The following PIK3R1 variants were observed in gnomAD, a reference collection of about 807,000 sequenced individuals.
The protein encoded by PIK3R1 is phosphoinositide-3-kinase regulatory subunit 1.
In PIK3R1, 29 loss-of-function variants were observed where a neutral mutation model predicts 98.0. The observed-to-expected ratio is 0.30, with a 90% confidence interval of 0.22 to 0.40. The LOEUF (loss-of-function observed/expected upper bound fraction) is 0.40, where lower values mean the gene tolerates loss of function less well. PIK3R1 is among the 10% of genes least tolerant of loss of function. The pLI is 1.00. For missense variants in PIK3R1, 596 were observed against 872.7 expected (o/e 0.68, Z 3.99); for synonymous variants, 282 against 311.8 (o/e 0.90, Z 1.01).
At chr5:68,280,121 T>C (rs1746763822) in intron 5 of PIK3R1, 3 of 305,212 alleles carry the variant, frequency 9.8e-6, no homozygotes, top group South Asian at 6.0e-5. Flanking sequence ...TGAGGGAAGA[T>C]GGCTCTCAGT....
In PIK3R1 at chr5:68,227,097, T is replaced by A. The variant is rs1744307506; in HGVS notation, c.334+88T>A. Reference sequence around the variant, plus strand: ...AAGTTTGGGTTGAGTCGTTATGTTCTGGGCAGAAGTTACCTTGGCAACTGC... The same window carrying A: ...AAGTTTGGGTTGAGTCGTTATGTTCAGGGCAGAAGTTACCTTGGCAACTGC... On this transcript the variant is annotated intron_variant, in intron 2 of 15. Coordinates refer to ENST00000521381, the MANE Select transcript of PIK3R1 (RefSeq NM_181523.3). The A allele has an allele frequency of 2.5e-6, 3 of 1,207,160 alleles. No homozygotes were observed. The Admixed American group carries it at 7.7e-5, about 31-fold the overall frequency. The allele number at this position is 1,207,160 out of a possible 1,614,324, so 74.8% of individuals were successfully genotyped here.
At chr5:68,287,203 G>GT (rs1179800954) in intron 7 of PIK3R1, among the ~76,000 whole-genome samples, 3 of 152,156 alleles carry the variant, frequency 2.0e-5, no homozygotes, top group Admixed American at 2.0e-4. Context: ...GAAATGTTTT[G>GT]TTTTAATTTA....
At chr5:68,228,937 T>C (rs1414269815) in intron 2 of PIK3R1, among the ~76,000 whole-genome samples, 1 of 152,114 alleles carries the variant, frequency 6.6e-6, no homozygotes, top group Non-Finnish European at 1.5e-5. Context: ...AATGCTTGCT[T>C]TCTCATGTAA....
At chr5:68,220,390 T>G (rs1429528877) in intron 1 of PIK3R1, among the ~76,000 whole-genome samples, 1 of 152,184 alleles carries the variant, frequency 6.6e-6, no homozygotes. Flanking sequence ...AGAACCGGAA[T>G]GGTCAGCCTC....
At chr5:68,258,525 T>C (rs1006619292) in intron 2 of PIK3R1, among the ~76,000 whole-genome samples, 1 of 152,236 alleles carries the variant, frequency 6.6e-6, no homozygotes, top group African/African-American at 2.4e-5. Flanking sequence ...CCACTAACTT[T>C]GTAAATGAAA....
intron 7 of PIK3R1, among the ~76,000 whole-genome samples, chr5:68,281,828 T>A: frequency 6.6e-6 from 1 of 152,176 alleles, no homozygotes; most frequent in East Asian, 1.9e-4. Context: ...TATCTCTGTA[T>A]GAGCAGGCAT....
chr5:68,281,224 GT>G (rs1746821459), intron 7 of PIK3R1, among the ~76,000 whole-genome samples: 2 of 152,118 alleles, frequency 1.3e-5, no homozygotes, highest in South Asian at 4.1e-4. Flanking sequence ...AATTATCTTG[GT>G]TTTAGGTGAG....
intron 2 of PIK3R1, among the ~76,000 whole-genome samples, chr5:68,257,005 T>G (rs1301572899): frequency 6.6e-6 from 1 of 152,100 alleles, no homozygotes; most frequent in Non-Finnish European, 1.5e-5. Flanking sequence ...TTATGGGGCC[T>G]CCTCAGCCAT....
chr5:68,260,900 T>C (rs2112105026), intron 2 of PIK3R1, among the ~76,000 whole-genome samples: 1 of 152,326 alleles, frequency 6.6e-6, no homozygotes, highest in South Asian at 2.1e-4. Context: ...ACAGAAATGT[T>C]TTCATCATTT....
chr5:68,226,010 G>A (rs1479599631), intron 1 of PIK3R1, among the ~76,000 whole-genome samples: 2 of 152,070 alleles, frequency 1.3e-5, no homozygotes, highest in African/African-American at 4.8e-5. Flanking sequence ...ACATGTACTA[G>A]TGTTGTGGCT....
chr5:68,280,753 T>C (rs1245221320), intron 6 of PIK3R1, 24 bp downstream of exon 6: 11 of 1,600,662 alleles, frequency 6.9e-6, no homozygotes, highest in Non-Finnish European at 9.4e-6. Flanking sequence ...GACAAACATG[T>C]ATTTTGGGGT....
chr5:68,288,694 T>A, intron 7 of PIK3R1: 2 of 1,612,576 alleles, frequency 1.2e-6, no homozygotes, highest in Non-Finnish European at 1.7e-6. Flanking sequence ...ATTTTTTTTT[T>A]TTCATTGTCG....
rs147774706 is a variant in PIK3R1, at chr5:68,276,951, G to A, written c.503-2651G>A. On this transcript the variant is annotated intron_variant, in intron 4 of 15. Transcript: ENST00000521381. ...GCCCTTGACGTACCTCGGTCTAGTAGGGAAACACATAATCCCACACTATGA... is the reference window on the plus strand; with the variant it reads ...GCCCTTGACGTACCTCGGTCTAGTAAGGAAACACATAATCCCACACTATGA... 3.5e-3 allele frequency among the ~76,000 whole-genome samples: 538 copies of A among 152,236 alleles called. 3 individuals carry two copies. The highest frequency in any genetic ancestry group is 0.012 in the African/African-American group (507 of 41,542).
intron 2 of PIK3R1, among the ~76,000 whole-genome samples, chr5:68,232,348 T>A (rs558589585): frequency 6.6e-6 from 1 of 152,314 alleles, no homozygotes; most frequent in East Asian, 1.9e-4. Flanking sequence ...GTATCCGTGG[T>A]TTTTTGAAAA....
At chr5:68,273,638 G>C (rs980889971) in intron 3 of PIK3R1, 156 bp downstream of exon 3, 27 of 664,196 alleles carry the variant, frequency 4.1e-5, no homozygotes, top group Non-Finnish European at 1.1e-5. Flanking sequence ...CTAAGTACTG[G>C]GAAAAATGTC....
At chr5:68,264,291 G>A (rs539492913) in intron 2 of PIK3R1, among the ~76,000 whole-genome samples, 9 of 152,228 alleles carry the variant, frequency 5.9e-5, no homozygotes, top group Admixed American at 2.0e-4. Context: ...TGCAACTGTC[G>A]CCAAGTGCTT....
At chr5:68,234,529 A>G (rs535434014) in intron 2 of PIK3R1, among the ~76,000 whole-genome samples, 2 of 152,298 alleles carry the variant, frequency 1.3e-5, no homozygotes, top group South Asian at 4.1e-4. Context: ...CATGCGGTGT[A>G]TGGTTTTAAG....
chr5:68,216,186 C>G (rs1179390116), intron 1 of PIK3R1, among the ~76,000 whole-genome samples: 1 of 152,158 alleles, frequency 6.6e-6, no homozygotes, highest in African/African-American at 2.4e-5. Context: ...ATCCTGACTC[C>G]CGTTTCCCCC....
At chr5:68,246,155 G>A (rs993215574) in intron 2 of PIK3R1, among the ~76,000 whole-genome samples, 41 of 151,964 alleles carry the variant, frequency 2.7e-4, no homozygotes, top group African/African-American at 8.2e-4. Flanking sequence ...CTTCATTACC[G>A]TACAAGTTTG....
Sources: gnomAD v4.1 joint callset for allele counts (sites outside exome capture counted in the v4.1 genomes callset) on GRCh38, gnomAD v4.1.1 for gene constraint, MANE v1.5 for transcripts, NCBI Gene and HGNC (gene_info 2026-07-23, HGNC 2026-07-21) for gene names.